TSPAN31: variants seen among roughly 807,000 people sequenced by gnomAD.
The protein encoded by TSPAN31 is tetraspanin 31.
Under a neutral mutation model 24.8 loss-of-function variants are expected in TSPAN31, and 16 were observed. That is an observed-to-expected ratio of 0.64 (90% confidence interval 0.44 to 0.98). The LOEUF is 0.98. TSPAN31 is among the 50% of genes least tolerant of loss of function. TSPAN31 has a pLI of 0.00. For synonymous variants in TSPAN31, 87 were observed against 91.4 expected (o/e 0.95, Z 0.27); for missense variants, 209 against 251.6 (o/e 0.83, Z 1.15).
chr12:57,745,173 G>T lies in TSPAN31; in HGVS notation c.19G>T (p.Ala7Ser). 1.2e-6 allele frequency: 2 copies of T among 1,603,474 alleles called. No homozygotes were observed. Among genetic ancestry groups the T allele is most frequent in the Admixed American group, 1.7e-5 (1 of 58,368 alleles). Residue 7 changes from alanine (A) to serine (S), a missense_variant, in exon 1 of 6, where the codon GCC (alanine) becomes TCC (serine). By Grantham distance (99) the Ala-to-Ser change is moderately conservative. Transcript: ENST00000257910. MVCGGF[A>S]CSKNALCALN... ...TGGGGAGATGGTTTGTGGCGGCTTT[G>T]CCTGCTCCAAGAATGCGCTTTGCGC...
rs778868610 is a variant in TSPAN31 at position 57,747,156 on chromosome 12, C to T, written c.558+25C>T. ...GGTAACATTCTCCAGTTCCCTCACA[C>T]ACATCCTTTTTGAGACTGAGAATTA... On this transcript the variant is annotated intron_variant, in intron 5 of 5. Coordinates refer to ENST00000257910, the MANE Select transcript of TSPAN31 (RefSeq NM_005981.5). 8 of 1,611,844 alleles carry T rather than the reference C, an allele frequency of 5.0e-6. No individual in the cohort carries two copies. The East Asian group carries it at 1.6e-4, about 31-fold the overall frequency.
intron 2 of TSPAN31, 112 bp downstream of exon 2, chr12:57,746,024 T>C (rs1350561365): frequency 6.2e-6 from 9 of 1,462,470 alleles, no homozygotes; most frequent in African/African-American, 5.6e-5. Flanking sequence ...CTCCTTGCCC[T>C]GCCCTGTCCC....
Position 57,749,139 on chromosome 12 carries a change from CAGTCTCTATTTCTTTCCCT to C in TSPAN31, c.*1850_*1868del. 6.2e-7 allele frequency: 1 copy of C among 1,613,170 alleles called. No homozygotes were observed. The highest frequency in any genetic ancestry group is 8.5e-7 in the Non-Finnish European group (1 of 1,179,152). On this transcript the variant is annotated 3_prime_UTR_variant, in exon 6 of 6. Coordinates refer to ENST00000257910, the MANE Select transcript of TSPAN31 (RefSeq NM_005981.5). Reference sequence around the variant, plus strand: ...CTGCATACTGCTCTATTTCTTTCCCCAGTCTCTATTTCTTTCCCTGTGCCCACAGCCATCTCCAGTACCA... The same window carrying C: ...CTGCATACTGCTCTATTTCTTTCCCCGTGCCCACAGCCATCTCCAGTACCA...
chr12:57,748,619 T>C lies in TSPAN31; in HGVS notation c.*1329T>C, dbSNP rs1955188376. 6.2e-7 allele frequency: 1 copy of C among 1,610,128 alleles called. No individual in the cohort carries two copies. Among genetic ancestry groups the C allele is most frequent in the Non-Finnish European group, 8.5e-7 (1 of 1,176,510 alleles). On this transcript the variant is annotated 3_prime_UTR_variant, in exon 6 of 6. Transcript: ENST00000257910. The stretch of plus-strand genomic sequence containing the variant: ...GTGTGGGTTAAAAGTCAGCATTTCC[T>C]GAGGGGAGAGGCAAAGGTCAGAAAA...
rs1955140359 is a variant in TSPAN31 at position 57,745,784 on chromosome 12, A to C, written c.103A>C (p.Lys35Gln). The C allele has an allele frequency of 6.2e-7, 1 of 1,613,538 alleles. No homozygotes were observed. The highest frequency in any genetic ancestry group is 8.5e-7 in the Non-Finnish European group (1 of 1,179,886). The part of the protein sequence containing the change: ...LLLIGVAAWG[K>Q]GLGLVSSIHI... ...GCTCATTGGAGTGGCTGCTTGGGGCAAGGGCCTGGGTCTGGTGTCCAGCAT... is the reference window on the plus strand; with the variant it reads ...GCTCATTGGAGTGGCTGCTTGGGGCCAGGGCCTGGGTCTGGTGTCCAGCAT... The change falls in exon 2 of 6, where the codon AAG (lysine) becomes CAG (glutamine). Residue 35 changes from lysine to glutamine, a missense_variant. Transcript: ENST00000257910.
chr12:57,745,418 G>A, intron 1 of TSPAN31: 3 of 612,476 alleles, frequency 4.9e-6, no homozygotes, highest in Non-Finnish European at 8.5e-6. Context: ...GAGGGTGGGG[G>A]AATGAACTGA....
Position 57,749,753 on chromosome 12 carries a change from C to T in TSPAN31, c.*2463C>T. The T allele has an allele frequency of 1.8e-6, 1 of 543,492 alleles. No homozygotes were observed. Among genetic ancestry groups the T allele is most frequent in the East Asian group, 3.2e-5 (1 of 30,986 alleles). 33.7% of individuals were successfully genotyped at this position (543,492 alleles called of 1,614,324 possible). ...GCGGCTCACGCCTGTAATCCTAGCA[C>T]TTTGGGAGTCTGATGTGGGTGGATC... is the stretch of plus-strand genomic sequence containing the variant. On this transcript the variant is annotated 3_prime_UTR_variant, in exon 6 of 6. Coordinates refer to ENST00000257910, the MANE Select transcript of TSPAN31 (RefSeq NM_005981.5).
In TSPAN31 at chr12:57,749,203, C is replaced by A; in HGVS notation, c.*1913C>A. On this transcript the variant is annotated 3_prime_UTR_variant, in exon 6 of 6. Transcript: ENST00000257910. ...GTACCAGCAGCAGCTGTGCTCCCGA[C>A]TCCTCCATCTCAGGTACCACCGACT... The A allele has an allele frequency of 6.2e-7, 1 of 1,614,052 alleles. No individual in the cohort carries two copies. The highest frequency in any genetic ancestry group is 2.2e-5 in the East Asian group (1 of 44,892).
intron 3 of TSPAN31, 139 bp from the exon 4 acceptor site, chr12:57,746,450 T>C (rs1955152540): frequency 8.1e-7 from 1 of 1,229,496 alleles, no homozygotes; most frequent in Non-Finnish European, 1.2e-6. Context: ...CCTCAAAAGG[T>C]AGATATTTAT....
rs749987747 is a variant in TSPAN31, at chr12:57,749,534, T to A, written c.*2244T>A. The A allele has an allele frequency of 6.2e-7, 1 of 1,609,072 alleles. No individual in the cohort carries two copies. The highest frequency in any genetic ancestry group is 1.7e-5 in the Admixed American group (1 of 60,024). ...GGTGAGAAGGGATATAAGGTAGCAG[T>A]CATTTTCAAAGATATCTTAGTTGAA... On this transcript the variant is annotated 3_prime_UTR_variant, in exon 6 of 6. Coordinates refer to ENST00000257910, the MANE Select transcript of TSPAN31 (RefSeq NM_005981.5).
chr12:57,747,529 C>G lies in TSPAN31; in HGVS notation c.*239C>G, dbSNP rs1955171924. On this transcript the variant is annotated 3_prime_UTR_variant, in exon 6 of 6. Transcript: ENST00000257910. The stretch of plus-strand genomic sequence containing the variant: ...CTCTCCAAGAGGATATGGGAAGCTT[C>G]TGTGAGTGCATAGGATGGGGGCTGG... 1 of 468,512 alleles carries G rather than the reference C, an allele frequency of 2.1e-6. No homozygotes were observed. The highest frequency in any genetic ancestry group is 3.9e-6 in the Non-Finnish European group (1 of 259,610). The allele number at this position is 468,512 out of a possible 1,614,324, so 29.0% of individuals were successfully genotyped here.
rs565341235 is a variant in TSPAN31, at chr12:57,749,836, A to C, written c.*2546A>C. The stretch of plus-strand genomic sequence containing the variant: ...ACATGGTGAAACCCTGTCATTACTA[A>C]AAGTACAAAAATTAGCTGAGCATGG... On this transcript the variant is annotated 3_prime_UTR_variant, in exon 6 of 6. Transcript: ENST00000257910. 2.4e-5 allele frequency: 9 copies of C among 375,134 alleles called. No individual in the cohort carries two copies. The highest frequency in any genetic ancestry group is 4.0e-5 in the Non-Finnish European group (8 of 198,182). The allele number at this position is 375,134 out of a possible 1,614,324, so 23.2% of individuals were successfully genotyped here.
Position 57,747,759 on chromosome 12 carries a change from T to C in TSPAN31, c.*469T>C. On this transcript the variant is annotated 3_prime_UTR_variant, in exon 6 of 6. Transcript: ENST00000257910. ...AAAAATCTATATTCTTTTTTTTTTT[T>C]TGACACAGAGTCTTGCTCTGTTGCC... 6.2e-6 allele frequency: 1 copy of C among 161,118 alleles called. No individual in the cohort carries two copies. Among genetic ancestry groups the C allele is most frequent in the East Asian group, 1.6e-4 (1 of 6,438 alleles). 10.0% of individuals were successfully genotyped at this position (161,118 alleles called of 1,614,324 possible). A position where few individuals can be genotyped will look rare whatever the true frequency, so the allele number is the denominator to read the frequency against.
intron 4 of TSPAN31, 53 bp from the exon 5 acceptor site, chr12:57,746,965 G>A: frequency 6.6e-7 from 1 of 1,521,828 alleles, no homozygotes; most frequent in Non-Finnish European, 9.1e-7. Context: ...ATAGGTATTA[G>A]TCACTAGCAA....
chr12:57,746,928 A>G, intron 4 of TSPAN31, 90 bp from the exon 5 acceptor site: 1 of 1,388,796 alleles, frequency 7.2e-7, no homozygotes, highest in South Asian at 1.2e-5. Context: ...TGGTCAGATA[A>G]CAGTAAAGTT....
chr12:57,746,382 G>C (rs1478655171), intron 3 of TSPAN31, 126 bp downstream of exon 3: 4 of 1,148,312 alleles, frequency 3.5e-6, no homozygotes, highest in Non-Finnish European at 5.2e-6. Context: ...CTGGCCTCTT[G>C]GGCTATTTGC....
rs992189002 is a variant in TSPAN31, at chr12:57,749,729, C to T, written c.*2439C>T. The T allele has an allele frequency of 3.9e-5, 23 of 584,212 alleles. No homozygotes were observed. The highest frequency in any genetic ancestry group is 8.8e-5 in the Admixed American group (3 of 34,244). 36.2% of individuals were successfully genotyped at this position (584,212 alleles called of 1,614,324 possible). A position where few individuals can be genotyped will look rare whatever the true frequency, so the allele number is the denominator to read the frequency against. On this transcript the variant is annotated 3_prime_UTR_variant, in exon 6 of 6. Transcript: ENST00000257910. ...AAAAAAAAAGAAATGCCAGGTGCAG[C>T]GGCTCACGCCTGTAATCCTAGCACT...
At position 57,749,089 on chromosome 12, in the gene TSPAN31, T is replaced by G. The variant is rs576350714; in HGVS notation, c.*1799T>G. On this transcript the variant is annotated 3_prime_UTR_variant, in exon 6 of 6. Transcript: ENST00000257910. The stretch of plus-strand genomic sequence containing the variant: ...ACTACAGCCCATCTACCAACCAAGT[T>G]TCATTAACCACAGTGGCCAGGGCCC... The G allele has an allele frequency of 1.7e-5, 25 of 1,511,260 alleles. No individual in the cohort carries two copies. In the Admixed American group the frequency reaches 2.7e-4, roughly 16 times the overall value. The allele number at this position is 1,511,260 out of a possible 1,614,324, so 93.6% of individuals were successfully genotyped here. A position where few individuals can be genotyped will look rare whatever the true frequency, so the allele number is the denominator to read the frequency against.
intron 1 of TSPAN31, 106 bp from the exon 2 acceptor site, chr12:57,745,639 T>C (rs1955137964): frequency 3.6e-6 from 5 of 1,394,186 alleles, no homozygotes; most frequent in Non-Finnish European, 5.0e-6. Context: ...ATTCACACAC[T>C]ATTCCATTAT....
Sources: allele counts gnomAD v4.1 joint callset, GRCh38; gene constraint gnomAD v4.1.1; transcripts MANE v1.5; gene names NCBI Gene and HGNC (gene_info 2026-07-23, HGNC 2026-07-21).